Variants in CDK11B observed in about 807,000 individuals in gnomAD.
The protein encoded by CDK11B is cyclin-dependent kinase 11B.
A neutral mutation model predicts 84.0 loss-of-function variants in CDK11B; 37 were observed. The ratio of observed to expected loss-of-function variants is 0.44; its 90% CI spans 0.34 to 0.58. CDK11B has a LOEUF of 0.58. Ranked by LOEUF, CDK11B falls within the 20% of genes least tolerant of loss-of-function variation. CDK11B has a pLI of 0.02. For synonymous variants in CDK11B, 269 were observed against 309.8 expected, an observed-to-expected ratio of 0.87 and a Z score of 1.38; for missense variants, 427 against 834.0, an observed-to-expected ratio of 0.51 and a Z score of 6.01.
intron 4 of CDK11B, among the ~76,000 whole-genome samples, chr1:1,650,281 A>AAAAAAAAAAAAAAAAAG (rs1641798674): frequency 2.7e-5 from 4 of 147,412 alleles, no homozygotes; most frequent in Non-Finnish European, 4.6e-5. Context: ...AAAAAAAAAA[A>AAAAAAAAAAAAAAAAAG]AAAGAAATTA....
At chr1:1,639,876 G>A (rs901953866) in intron 11 of CDK11B, among the ~76,000 whole-genome samples, 14 of 151,822 alleles carry the variant, frequency 9.2e-5, no homozygotes, top group South Asian at 2.1e-4. Context: ...TCCCGTAGCC[G>A]CTCCCCCATC....
chr1:1,656,350 G>A (rs1379651107), intron 2 of CDK11B, among the ~76,000 whole-genome samples: 2 of 152,114 alleles, frequency 1.3e-5, no homozygotes, highest in Admixed American at 1.3e-4. Flanking sequence ...AATTAGCCGA[G>A]CGTGCTGGCA....
At chr1:1,646,564 A>T in intron 5 of CDK11B, 1 of 517,200 alleles carries the variant, frequency 1.9e-6, no homozygotes. Flanking sequence ...GAGGAGAGAT[A>T]GTTACAGGAT....
intron 3 of CDK11B, chr1:1,654,113 C>A (rs1482214892): frequency 4.3e-6 from 2 of 460,768 alleles, no homozygotes; most frequent in African/African-American, 4.0e-5. Context: ...AAAATTCACA[C>A]CTTAAGCTTC....
intron 9 of CDK11B, among the ~76,000 whole-genome samples, 162 bp from the exon 10 acceptor site, chr1:1,641,275 A>G (rs3765908): frequency 0.35 from 40,438 of 117,028 alleles, 9,696 homozygotes; most frequent in African/African-American, 0.61. Context: ...TTGGGAGGCC[A>G]AGGCGGGTGG....
At chr1:1,656,311 T>C (rs1314268581) in intron 2 of CDK11B, among the ~76,000 whole-genome samples, 1 of 151,662 alleles carries the variant, frequency 6.6e-6, no homozygotes, top group Non-Finnish European at 1.5e-5. Flanking sequence ...ACCAACAAGG[T>C]GAAAGCTCGT....
In CDK11B at chr1:1,655,472, C is replaced by G; in HGVS notation, c.124G>C (p.Asp42His). Residue 42 changes from aspartate (D) to histidine (H), a missense_variant, in exon 3 of 20, where the codon GAT (aspartate) becomes CAT (histidine). Physicochemically the swap from Asp to His is moderately conservative, Grantham distance 81. This residue lies in a region of CDK11B where 57 missense variants were observed against 62.2 expected (regional missense o/e 0.92). Coordinates refer to ENST00000341832, the MANE Select transcript of CDK11B (RefSeq NM_033486.3). ...TCCTCAAGGGAATCCCGCTTGGAAT[C>G]CCGGTCATCAGACTAAGAAGCAAAG... ...IKRLKNSDDR[D>H]SKRDSLEEGE... is the part of the protein sequence containing the mutation. 6.2e-7 allele frequency: 1 copy of G among 1,611,408 alleles called. No individual in the cohort carries two copies. Among genetic ancestry groups the G allele is most frequent in the Non-Finnish European group, 8.5e-7 (1 of 1,177,844 alleles).
At chr1:1,651,533 A>G (rs1642004279) in intron 4 of CDK11B, among the ~76,000 whole-genome samples, 1 of 149,398 alleles carries the variant, frequency 6.7e-6, no homozygotes, top group East Asian at 2.0e-4. Context: ...CTCTCTCTAT[A>G]GCCCTTCTGA....
intron 18 of CDK11B, 38 bp downstream of exon 18, chr1:1,636,295 G>C (rs1302476956): frequency 6.5e-7 from 1 of 1,536,288 alleles, no homozygotes; most frequent in African/African-American, 1.4e-5. Flanking sequence ...CACCGCTATG[G>C]CTCGGGACCT....
chr1:1,658,486 T>C (rs1643092829), intron 1 of CDK11B, among the ~76,000 whole-genome samples: 1 of 148,016 alleles, frequency 6.8e-6, no homozygotes, highest in South Asian at 2.2e-4. Context: ...TTAAAGATCA[T>C]CCGTTTAAAG....
chr1:1,656,165 A>C (rs1315924072), intron 2 of CDK11B, among the ~76,000 whole-genome samples: 1 of 152,134 alleles, frequency 6.6e-6, no homozygotes, highest in Admixed American at 6.5e-5. Context: ...TGAGTCACAC[A>C]GATTTTTTGG....
intron 15 of CDK11B, 25 bp from the exon 16 acceptor site, chr1:1,637,029 G>C: frequency 6.2e-7 from 1 of 1,613,108 alleles, no homozygotes. Context: ...GGGCGGCTGT[G>C]AGTGGGCCCC....
intron 5 of CDK11B, among the ~76,000 whole-genome samples, chr1:1,648,842 T>C (rs1433661301): frequency 6.6e-6 from 1 of 152,108 alleles, no homozygotes; most frequent in Non-Finnish European, 1.5e-5. Flanking sequence ...TGGTCATAGC[T>C]TACTGCAGCC....
At chr1:1,653,231 G>A (rs1332364674) in intron 3 of CDK11B, among the ~76,000 whole-genome samples, 3 of 150,932 alleles carry the variant, frequency 2.0e-5, no homozygotes, top group Non-Finnish European at 2.9e-5. Context: ...CACCATATTG[G>A]TCAGGCTGGT....
rs781145856 is a variant in CDK11B at position 1,637,876 on chromosome 1, A to G, written c.1350T>C (p.Ile450=). 39 of 1,613,574 alleles carry G rather than the reference A, an allele frequency of 2.4e-5. No individual in the cohort carries two copies. Among genetic ancestry groups the G allele is most frequent in the South Asian group, 1.3e-4 (12 of 91,074 alleles). ...YRAKDKKTDE[I]VALKRLKMEK... is the part of the protein sequence containing the mutation. ...CCATCTTCAGCCGCTTTAGAGCCAC[A>G]ATTTCATCTGTGAAGAAAATACAGA... Residue 450 remains isoleucine, a synonymous_variant, in exon 13 of 20, where the codon ATT becomes ATC. Coordinates refer to ENST00000341832, the MANE Select transcript of CDK11B (RefSeq NM_033486.3).
chr1:1,637,392 T>A lies in CDK11B; in HGVS notation c.1570+16A>T. The A allele has an allele frequency of 1.9e-6, 3 of 1,597,098 alleles. No individual in the cohort carries two copies. Among genetic ancestry groups the A allele is most frequent in the Non-Finnish European group, 2.6e-6 (3 of 1,171,518 alleles). On this transcript the variant is annotated intron_variant, in intron 14 of 19. Transcript: ENST00000341832. The stretch of plus-strand genomic sequence containing the variant: ...CCCCACTTGTACGCAGACAGGCCCC[T>A]GGGGCGCGGCTGTACCTGGCAGGAA...
Position 1,637,819 on chromosome 1 carries a change from C to G in CDK11B, c.1407G>C (p.Ser469=), listed in dbSNP as rs138980727. 939 of 1,597,454 alleles carry G rather than the reference C, an allele frequency of 5.9e-4. 12 individuals are homozygous for G. The highest frequency in any genetic ancestry group is 3.6e-3 in the East Asian group (157 of 44,122). The change falls in exon 13 of 20, where the codon TCG becomes TCC. Residue 469 remains serine, a synonymous_variant. Coordinates refer to ENST00000341832, the MANE Select transcript of CDK11B (RefSeq NM_033486.3). ...TGAGGATGGTGTTGATCTCCCTCAG[C>G]GACGTGATCGGGAAGCCCTCCTTCT... The part of the protein sequence containing the change: ...EKEKEGFPIT[S]LREINTILKA...
chr1:1,649,749 C>T lies in CDK11B; in HGVS notation c.356-112G>A, dbSNP rs1458371787. 100 of 1,002,190 alleles carry T rather than the reference C, an allele frequency of 1.0e-4. No individual in the cohort carries two copies. The Middle Eastern group carries it at 1.0e-3, about 10-fold the overall frequency. The allele number at this position is 1,002,190 out of a possible 1,614,324, so 62.1% of individuals were successfully genotyped here. A position where few individuals can be genotyped will look rare whatever the true frequency, so the allele number is the denominator to read the frequency against. ...TAGCACTTTGGGAGGCTGAGGCGGG[C>T]GGATCACCTGAGGTCAGGAGTTCAA... On this transcript the variant is annotated intron_variant, in intron 4 of 19. Coordinates refer to ENST00000341832, the MANE Select transcript of CDK11B (RefSeq NM_033486.3).
intron 5 of CDK11B, among the ~76,000 whole-genome samples, chr1:1,647,823 C>T (rs1641370120): frequency 6.6e-6 from 1 of 152,218 alleles, no homozygotes; most frequent in South Asian, 2.1e-4. Flanking sequence ...GGCAAGGCCA[C>T]TGCCCACTGC....
Sources: gnomAD v4.1 joint callset for allele counts (sites outside exome capture counted in the v4.1 genomes callset) on GRCh38, gnomAD v4.1.1 for gene constraint, gnomAD v4.1.1 regional missense constraint, MANE v1.5 for transcripts, NCBI Gene and HGNC (gene_info 2026-07-23, HGNC 2026-07-21) for gene names.